MINDY3: variants seen among roughly 807,000 people sequenced by gnomAD.
MINDY3 encodes the protein MINDY lysine 48 deubiquitinase 3.
Under a neutral mutation model 69.2 loss-of-function variants are expected in MINDY3, and 38 were observed. That is an observed-to-expected ratio of 0.55 (90% CI 0.42 to 0.72). The LOEUF is 0.72. MINDY3 is among the 30% of genes least tolerant of loss of function. MINDY3 has a pLI of 0.00. For synonymous variants in MINDY3, 192 were observed against 180.1 expected, an observed-to-expected ratio of 1.07 and a Z score of -0.53; for missense variants, 522 against 519.0, an observed-to-expected ratio of 1.01 and a Z score of -0.06.
chr10:15,791,787 A>G (rs1837440297), intron 11 of MINDY3, among the ~76,000 whole-genome samples: 1 of 152,142 alleles, frequency 6.6e-6, no homozygotes, highest in African/African-American at 2.4e-5. Context: ...TTCCTGGATA[A>G]GATAACTATT....
chr10:15,825,670 T>A (rs142052167), intron 8 of MINDY3, among the ~76,000 whole-genome samples: 118 of 152,326 alleles, frequency 7.7e-4, no homozygotes, highest in African/African-American at 2.6e-3. Context: ...TCCGTTTCTG[T>A]TTATTTTATA....
chr10:15,843,207 C>T lies in MINDY3; in HGVS notation c.235+5G>A, dbSNP rs748211214. 37 of 1,611,058 alleles carry T rather than the reference C, an allele frequency of 2.3e-5. No homozygotes were observed. The highest frequency in any genetic ancestry group is 3.1e-5 in the Non-Finnish European group (37 of 1,177,600). On this transcript the variant is annotated splice_donor_5th_base_variant and intron_variant, in intron 3 of 14. Transcript: ENST00000277632. ...AGCAAAAGTTTTAAAAGACAGCTATCATACCTGAACAATCCCGCCAAGAAG... is the reference window on the plus strand; with the variant it reads ...AGCAAAAGTTTTAAAAGACAGCTATTATACCTGAACAATCCCGCCAAGAAG...
chr10:15,848,162 T>C, intron 1 of MINDY3, among the ~76,000 whole-genome samples: 1 of 152,134 alleles, frequency 6.6e-6, no homozygotes, highest in African/African-American at 2.4e-5. Context: ...TCACACAATT[T>C]TGCACCCAGG....
At chr10:15,834,096 G>C (rs1226454857) in intron 7 of MINDY3, among the ~76,000 whole-genome samples, 2 of 151,852 alleles carry the variant, frequency 1.3e-5, no homozygotes, top group African/African-American at 4.8e-5. Flanking sequence ...TAAAAAGAAG[G>C]ACTCACGTAT....
intron 9 of MINDY3, among the ~76,000 whole-genome samples, chr10:15,820,996 C>T (rs918759348): frequency 9.9e-5 from 15 of 152,036 alleles, no homozygotes; most frequent in African/African-American, 3.4e-4. Flanking sequence ...CTTCTTTCTC[C>T]CAAATCATGA....
intron 11 of MINDY3, among the ~76,000 whole-genome samples, chr10:15,793,193 A>C (rs903589034): frequency 6.6e-6 from 1 of 152,140 alleles, no homozygotes. Flanking sequence ...CAAAAAAGAC[A>C]CACAAAAATA....
chr10:15,856,638 G>A (rs1057114482), intron 1 of MINDY3, among the ~76,000 whole-genome samples: 2 of 152,122 alleles, frequency 1.3e-5, no homozygotes, highest in African/African-American at 4.8e-5. Context: ...AACCATGGCT[G>A]CTTTTGCTGC....
chr10:15,831,673 C>CTTTTTTT (rs10716234), intron 8 of MINDY3, among the ~76,000 whole-genome samples: 7 of 121,364 alleles, frequency 5.8e-5, no homozygotes, highest in Non-Finnish European at 6.8e-5. Context: ...GCCTCCTTTT[C>CTTTTTTT]TTTTTTTTTT....
intron 10 of MINDY3, among the ~76,000 whole-genome samples, chr10:15,816,293 A>T (rs1166578464): frequency 1.3e-5 from 2 of 151,678 alleles, no homozygotes; most frequent in African/African-American, 4.8e-5. Flanking sequence ...AAAAAGAAAA[A>T]AAATAAAAAA....
chr10:15,854,230 T>C (rs1188757184), intron 1 of MINDY3, among the ~76,000 whole-genome samples: 1 of 152,132 alleles, frequency 6.6e-6, no homozygotes, highest in Non-Finnish European at 1.5e-5. Flanking sequence ...CAAGTTTTGG[T>C]GTGGTATTAA....
chr10:15,784,124 C>T (rs977320336), intron 13 of MINDY3, among the ~76,000 whole-genome samples: 110 of 152,164 alleles, frequency 7.2e-4, no homozygotes, highest in Non-Finnish European at 1.3e-3. Flanking sequence ...CTTCAACAAT[C>T]GTCTTAAGTT....
chr10:15,830,144 CA>C (rs1176391312), intron 8 of MINDY3, among the ~76,000 whole-genome samples: 2 of 152,188 alleles, frequency 1.3e-5, no homozygotes, highest in Non-Finnish European at 2.9e-5. Context: ...GCTGCATAAC[CA>C]ATGTCTGCCC....
chr10:15,823,300 C>T (rs1242721462), intron 8 of MINDY3, among the ~76,000 whole-genome samples: 1 of 152,170 alleles, frequency 6.6e-6, no homozygotes, highest in Non-Finnish European at 1.5e-5. Flanking sequence ...ACAAGACCCT[C>T]TTAGAGACTA....
chr10:15,848,182 A>G (rs953763503), intron 1 of MINDY3, among the ~76,000 whole-genome samples: 2 of 152,232 alleles, frequency 1.3e-5, no homozygotes, highest in Admixed American at 6.5e-5. Flanking sequence ...GAACTCCTCT[A>G]GGAGGATAAA....
intron 11 of MINDY3, among the ~76,000 whole-genome samples, chr10:15,794,230 G>GT (rs985900506): frequency 6.6e-6 from 1 of 152,080 alleles, no homozygotes; most frequent in Admixed American, 6.6e-5. Flanking sequence ...GTAAATGCTT[G>GT]TAAGAACTTT....
At chr10:15,798,055 A>AGT (rs1210517725) in intron 10 of MINDY3, among the ~76,000 whole-genome samples, 1 of 152,196 alleles carries the variant, frequency 6.6e-6, no homozygotes, top group East Asian at 1.9e-4. Context: ...ATCAGGATAC[A>AGT]GTTATTCTTT....
intron 6 of MINDY3, among the ~76,000 whole-genome samples, chr10:15,836,273 T>C (rs1288710549): frequency 1.3e-5 from 2 of 152,002 alleles, no homozygotes; most frequent in Non-Finnish European, 2.9e-5. Flanking sequence ...TATAGAAAAC[T>C]TGCCCTCATG....
In MINDY3 at chr10:15,781,401, TTATA is replaced by T. The variant is rs372810709; in HGVS notation, c.1188+750_1188+753del. Reference sequence around the variant, plus strand: ...ATTAGCTATAACTAATACATATATATTATATATATATATATATACTATAACTAGT... The same window carrying T: ...ATTAGCTATAACTAATACATATATATTATATATATATATACTATAACTAGT... On this transcript the variant is annotated intron_variant, in intron 14 of 14. Coordinates refer to ENST00000277632, the MANE Select transcript of MINDY3 (RefSeq NM_024948.4). Among the ~76,000 whole-genome samples the T allele has an allele frequency of 5.0e-3, 730 of 145,746 alleles. 6 individuals are homozygous for T. Among genetic ancestry groups the T allele is most frequent in the African/African-American group, 0.017 (678 of 40,108 alleles).
rs541902761 is a variant in MINDY3 at position 15,778,338 on chromosome 10, A to G, written c.*654T>C. 3 of 152,312 alleles carry G rather than the reference A, an allele frequency of 2.0e-5. No homozygotes were observed. The highest frequency in any genetic ancestry group is 2.0e-4 in the Admixed American group (3 of 15,284). The allele number at this position is 152,312 out of a possible 1,614,324, so 9.4% of individuals were successfully genotyped here. ...CAAATTTGGAAAAGTGTATTTGGCAATTACACAGTAAAAGTTAACAGTGTT... is the reference window on the plus strand; with the variant it reads ...CAAATTTGGAAAAGTGTATTTGGCAGTTACACAGTAAAAGTTAACAGTGTT... On this transcript the variant is annotated 3_prime_UTR_variant, in exon 15 of 15. Transcript: ENST00000277632.
Sources: allele counts gnomAD v4.1 joint callset (sites outside exome capture counted in the v4.1 genomes callset), GRCh38; gene constraint gnomAD v4.1.1; transcripts MANE v1.5; gene names NCBI Gene and HGNC (gene_info 2026-07-23, HGNC 2026-07-21).